The following NDST1 variants were observed in gnomAD, a reference collection of about 807,000 sequenced individuals.
The protein encoded by NDST1 is bifunctional heparan sulfate N-deacetylase/N-sulfotransferase 1.
A neutral mutation model predicts 92.8 loss-of-function variants in NDST1; 35 were observed. The observed-to-expected ratio is 0.38, with a 90% CI of 0.29 to 0.50. The LOEUF (loss-of-function observed/expected upper bound fraction) is 0.50, where lower values mean the gene tolerates loss of function less well. Ranked by LOEUF, NDST1 falls within the 20% of genes least tolerant of loss-of-function variation. The pLI is 0.94. For missense variants in NDST1, 822 were observed against 1,182.7 expected (o/e 0.69, Z 4.47); for synonymous variants, 493 against 500.3 (o/e 0.99, Z 0.19).
At chr5:150,504,455 C>T (rs1015453541), upstream of NDST1, among the ~76,000 whole-genome samples, 4 of 152,222 alleles carry the variant, frequency 2.6e-5, no homozygotes, top group Non-Finnish European at 4.4e-5. Context: ...GTAACAACCT[C>T]CCTCTTGTGG....
At chr5:150,539,759 G>A in intron 7 of NDST1, 4 of 985,298 alleles carry the variant, frequency 4.1e-6, no homozygotes, top group Non-Finnish European at 4.8e-6. Context: ...ACTTCAAGTG[G>A]TGGTTGTTAT....
rs778115933 is a variant in NDST1 at position 150,541,620 on chromosome 5, G to A, written c.1800G>A (p.Thr600=). The part of the protein sequence containing the change: ...RHKDIWSKEK[T]CDRFPKLLII... Reference sequence around the variant, plus strand: ...AAGACATCTGGTCCAAGGAGAAGACGTGTGACCGCTTCCCAAAGCTCCTCA... The same window carrying A: ...AAGACATCTGGTCCAAGGAGAAGACATGTGACCGCTTCCCAAAGCTCCTCA... The change falls in exon 9 of 15, where the codon ACG becomes ACA. Residue 600 remains threonine (T), a synonymous_variant. Transcript: ENST00000261797. The A allele has an allele frequency of 3.6e-5, 58 of 1,614,060 alleles. No individual in the cohort carries two copies. The East Asian group carries it at 4.7e-4, about 13-fold the overall frequency.
chr5:150,515,683 C>G (rs975685583), intron 1 of NDST1, among the ~76,000 whole-genome samples: 5 of 152,168 alleles, frequency 3.3e-5, no homozygotes, highest in African/African-American at 1.2e-4. Flanking sequence ...TTAGGGGAAA[C>G]TGCTGGTGAT....
intron 1 of NDST1, among the ~76,000 whole-genome samples, chr5:150,511,944 G>C (rs890710744): frequency 1.3e-5 from 2 of 150,850 alleles, no homozygotes; most frequent in Non-Finnish European, 2.9e-5. Context: ...GTGTGGCTGG[G>C]TGGGGGTGAT....
chr5:150,551,013 A>G (rs1262173272), intron 13 of NDST1: 3 of 155,744 alleles, frequency 1.9e-5, no homozygotes, highest in African/African-American at 4.8e-5. Flanking sequence ...GTCTATACCT[A>G]TCCTATGACC....
chr5:150,530,159 G>T (rs917623664), intron 3 of NDST1, among the ~76,000 whole-genome samples: 13 of 152,174 alleles, frequency 8.5e-5, no homozygotes, highest in Non-Finnish European at 1.8e-4. Context: ...GGGGTTAGGG[G>T]GATGTTTTGG....
At chr5:150,523,607 T>C (rs900394602) in intron 2 of NDST1, among the ~76,000 whole-genome samples, 8 of 152,206 alleles carry the variant, frequency 5.3e-5, no homozygotes, top group Non-Finnish European at 1.0e-4. Flanking sequence ...CACGATGTGA[T>C]GAGTCCAGGA....
In NDST1 at chr5:150,553,295, C is replaced by T. The variant is rs757107830; in HGVS notation, c.2612C>T (p.Pro871Leu). 1 of 1,613,832 alleles carries T rather than the reference C, an allele frequency of 6.2e-7. No individual in the cohort carries two copies. Among genetic ancestry groups the T allele is most frequent in the East Asian group, 2.2e-5 (1 of 44,872 alleles). The change falls in exon 15 of 15, where the codon CCC (proline) becomes CTC (leucine). Residue 871 changes from proline to leucine, a missense_variant. Physicochemically the swap from Pro to Leu is moderately conservative, Grantham distance 98. Transcript: ENST00000261797. The surrounding 1 kb of genome is among the most constrained non-coding windows in gnomAD (Gnocchi z 4.2). Reference protein sequence around the residue: ...KLLYKMGQTLPTWLREDLQNT... With the variant: ...KLLYKMGQTLLTWLREDLQNT... ...CTGTATAAGATGGGCCAGACACTTC[C>T]CACTTGGCTACGAGAGGACCTCCAG...
chr5:150,525,586 G>A (rs1411297328), intron 2 of NDST1, among the ~76,000 whole-genome samples: 1 of 152,210 alleles, frequency 6.6e-6, no homozygotes, highest in African/African-American at 2.4e-5. Context: ...TCAGGACAGG[G>A]TGGGGAGGTA....
upstream of NDST1, among the ~76,000 whole-genome samples, chr5:150,505,491 C>A (rs1382921348): frequency 6.6e-6 from 1 of 152,154 alleles, no homozygotes; most frequent in Non-Finnish European, 1.5e-5. Flanking sequence ...ACCTCAGGCT[C>A]CATATTTGTA....
rs549993511 is a variant in NDST1 at position 150,500,121 on chromosome 5, A to G, written c.-388+1882A>G. On this transcript the variant is annotated intron_variant, in intron 1 of 1. Transcript: ENST00000518299. ...TAAGTATTCCCTGGGGCCTGCTAAG[A>G]TGTCTTCTCCTGGAAGAGGTCTTAG... Among the ~76,000 whole-genome samples, 8 of 152,310 alleles carry G rather than the reference A, an allele frequency of 5.3e-5. 1 individual carries two copies. In the South Asian group the frequency reaches 1.0e-3, roughly 20 times the overall value.
At chr5:150,512,697 ACT>A (rs1318128373) in intron 1 of NDST1, among the ~76,000 whole-genome samples, 1 of 152,234 alleles carries the variant, frequency 6.6e-6, no homozygotes, top group Non-Finnish European at 1.5e-5. Flanking sequence ...CAAATCTGTT[ACT>A]GAGTAATCAT....
rs973773055 is a variant in NDST1 at position 150,556,554 on chromosome 5, C to CT, written c.*3223dup. 1 of 152,244 alleles carries CT rather than the reference C, an allele frequency of 6.6e-6. No individual in the cohort carries two copies. Among genetic ancestry groups the CT allele is most frequent in the African/African-American group, 2.4e-5 (1 of 41,458 alleles). 9.4% of individuals were successfully genotyped at this position (152,244 alleles called of 1,614,324 possible). A position where few individuals can be genotyped will look rare whatever the true frequency, so the allele number is the denominator to read the frequency against. ...ATTATGAATGCCCACTCCCCAGCAT[C>CT]TAGATCTAAAATTATTAACATTTTG... On this transcript the variant is annotated 3_prime_UTR_variant, in exon 15 of 15. Transcript: ENST00000261797.
At chr5:150,551,884 C>G in intron 14 of NDST1, 29 bp downstream of exon 14, 2 of 1,610,486 alleles carry the variant, frequency 1.2e-6, no homozygotes, top group Non-Finnish European at 1.7e-6. Flanking sequence ...ACCTGTAGCA[C>G]CTGCATAAGG....
At chr5:150,530,224 C>T (rs570911159) in intron 3 of NDST1, among the ~76,000 whole-genome samples, 6 of 152,312 alleles carry the variant, frequency 3.9e-5, no homozygotes, top group African/African-American at 9.6e-5. Context: ...TGCTGCTTTG[C>T]GCTGCTTTTA....
At chr5:150,525,127 C>G (rs1330491470) in intron 2 of NDST1, among the ~76,000 whole-genome samples, 1 of 152,180 alleles carries the variant, frequency 6.6e-6, no homozygotes, top group African/African-American at 2.4e-5. Context: ...CTTGGTGTCT[C>G]CGGAGTGGGT....
intron 1 of NDST1, among the ~76,000 whole-genome samples, chr5:150,508,987 C>G (rs1004590173): frequency 6.6e-6 from 1 of 152,212 alleles, no homozygotes; most frequent in Non-Finnish European, 1.5e-5. Context: ...CTGCCTCTGT[C>G]TTCCTGCCAG....
In NDST1 at chr5:150,542,933, G is replaced by A; in HGVS notation, c.1932G>A (p.Gln644=). 8 of 1,614,124 alleles carry A rather than the reference G, an allele frequency of 5.0e-6. No homozygotes were observed. The highest frequency in any genetic ancestry group is 6.8e-6 in the Non-Finnish European group (8 of 1,179,990). ...YPSSETFEEI[Q]FFNGHNYHKG... is the part of the protein sequence containing the mutation. ...GCTCTGAGACCTTTGAGGAGATCCA[G>A]TTTTTTAATGGCCACAACTATCACA... The change falls in exon 10 of 15, where the codon CAG becomes CAA. Residue 644 remains glutamine (Q), a synonymous_variant. Coordinates refer to ENST00000261797, the MANE Select transcript of NDST1 (RefSeq NM_001543.5).
intron 2 of NDST1, among the ~76,000 whole-genome samples, chr5:150,525,727 G>A (rs1170356960): frequency 2.0e-5 from 3 of 152,086 alleles, no homozygotes; most frequent in African/African-American, 4.8e-5. Flanking sequence ...GCTCTGCAAC[G>A]GGCACAGGCT....
Sources: allele counts gnomAD v4.1 joint callset (sites outside exome capture counted in the v4.1 genomes callset), GRCh38; gene constraint gnomAD v4.1.1; non-coding constraint Gnocchi (gnomAD v3.1); transcripts MANE v1.5; gene names NCBI Gene and HGNC (gene_info 2026-07-23, HGNC 2026-07-21).